Variants in RFC5 observed in about 807,000 individuals in gnomAD.
RFC5 encodes A1 36 kDa subunit.
In RFC5, 26 loss-of-function variants were observed where a neutral mutation model predicts 44.3. The observed-to-expected ratio is 0.59, with a 90% confidence interval of 0.43 to 0.81. The LOEUF is 0.81. Among genes scored for constraint, RFC5 ranks in the 40% least tolerant of loss-of-function variants. RFC5 has a pLI of 0.00. For missense variants in RFC5, 328 were observed against 418.6 expected, an observed-to-expected ratio of 0.78 and a Z score of 1.89; for synonymous variants, 155 against 155.2, an observed-to-expected ratio of 1.00 and a Z score of 0.01.
In RFC5 at chr12:118,018,129, C is replaced by A. The variant is rs938631983; in HGVS notation, c.66-943C>A. 33 of 645,292 alleles carry A rather than the reference C, an allele frequency of 5.1e-5. No homozygotes were observed. In the East Asian group the frequency reaches 8.2e-4, roughly 16 times the overall value. 40.0% of individuals were successfully genotyped at this position (645,292 alleles called of 1,614,324 possible). A position where few individuals can be genotyped will look rare whatever the true frequency, so the allele number is the denominator to read the frequency against. ...CAGGATCATGTTTTCAAGGTTCATGCATGTTGCTGCTTGTATCAGTAGTTA... is the reference window on the plus strand; with the variant it reads ...CAGGATCATGTTTTCAAGGTTCATGAATGTTGCTGCTTGTATCAGTAGTTA... On this transcript the variant is annotated intron_variant, in intron 1 of 10. Coordinates refer to ENST00000454402, the MANE Select transcript of RFC5 (RefSeq NM_007370.7).
downstream of RFC5, chr12:118,035,442 TGTGCCCCTC>T (rs2031489327): frequency 3.7e-6 from 3 of 808,884 alleles, no homozygotes; most frequent in Non-Finnish European, 6.0e-6. Context: ...AGATGCATTG[TGTGCCCCTC>T]GTGGAAAAGC....
At chr12:118,035,396 CAGGA>C, downstream of RFC5, 2 of 1,417,540 alleles carry the variant, frequency 1.4e-6, no homozygotes, top group Non-Finnish European at 2.0e-6. Flanking sequence ...TCACCCTAGG[CAGGA>C]AGCCAAACTG....
chr12:118,020,798 G>C, intron 3 of RFC5, 108 bp from the exon 4 acceptor site: 3 of 594,920 alleles, frequency 5.0e-6, no homozygotes, highest in Non-Finnish European at 9.0e-6. Flanking sequence ...ATTAGACATA[G>C]AGAGCTAGCC....
rs1411047282 is a variant in RFC5 at position 118,032,018 on chromosome 12, C to T, written c.*740C>T. Reference sequence around the variant, plus strand: ...ACCTAGAACTGCGGAAGGACTGGGACTTTTGTACAAATTTCACATTTATTT... The same window carrying T: ...ACCTAGAACTGCGGAAGGACTGGGATTTTTGTACAAATTTCACATTTATTT... On this transcript the variant is annotated 3_prime_UTR_variant, in exon 11 of 11. Coordinates refer to ENST00000454402, the MANE Select transcript of RFC5 (RefSeq NM_007370.7). 1 of 152,152 alleles carries T rather than the reference C, an allele frequency of 6.6e-6. No homozygotes were observed. The highest frequency in any genetic ancestry group is 1.5e-5 in the Non-Finnish European group (1 of 68,032). The allele number at this position is 152,152 out of a possible 1,614,324, so 9.4% of individuals were successfully genotyped here.
In RFC5 at chr12:118,032,175, A is replaced by G. The variant is rs552924924; in HGVS notation, c.*897A>G. 1.3e-5 allele frequency: 2 copies of G among 152,370 alleles called. No individual in the cohort carries two copies. Among genetic ancestry groups the G allele is most frequent in the African/African-American group, 2.4e-5 (1 of 41,590 alleles). 9.4% of individuals were successfully genotyped at this position (152,370 alleles called of 1,614,324 possible). A position where few individuals can be genotyped will look rare whatever the true frequency, so the allele number is the denominator to read the frequency against. On this transcript the variant is annotated 3_prime_UTR_variant, in exon 11 of 11. Transcript: ENST00000454402. The stretch of plus-strand genomic sequence containing the variant: ...TGCTGACTTTGTCAAACTTGCATTT[A>G]TATGAAAACCTTCTGTCTCTAATAT...
rs1205234527 is a variant in RFC5 at position 118,025,784 on chromosome 12, ACT to A, written c.622_623del (p.Leu208PhefsTer7). 6.2e-7 allele frequency: 1 copy of A among 1,607,422 alleles called. No individual in the cohort carries two copies. Among genetic ancestry groups the A allele is most frequent in the East Asian group, 2.2e-5 (1 of 44,746 alleles). The part of the protein sequence containing the change: ...ISEDGMKALV[T>X]LSSGDMRRAL... The stretch of plus-strand genomic sequence containing the variant: ...TGAAGATGGAATGAAAGCACTAGTC[ACT>A]CTTTCCAGTGGAGACATGCGTAGGG... On this transcript the variant is annotated frameshift_variant, in exon 7 of 11. Transcript: ENST00000454402. LOFTEE classifies it high-confidence loss of function.
At chr12:118,026,366 G>A (rs528926944) in intron 7 of RFC5, among the ~76,000 whole-genome samples, 15 of 152,154 alleles carry the variant, frequency 9.9e-5, no homozygotes, top group Non-Finnish European at 2.2e-4. Context: ...ACTTAGGGAT[G>A]CCGAGGGAGG....
chr12:118,021,918 C>T (rs2030524684), intron 4 of RFC5, among the ~76,000 whole-genome samples: 3 of 152,058 alleles, frequency 2.0e-5, no homozygotes, highest in African/African-American at 4.8e-5. Context: ...GATCGCGGCA[C>T]TGCACTCCAG....
chr12:118,022,798 G>A (rs5745828), intron 5 of RFC5, among the ~76,000 whole-genome samples: 24 of 152,302 alleles, frequency 1.6e-4, no homozygotes, highest in Admixed American at 1.6e-3. Flanking sequence ...GAATTAGGAT[G>A]TGAGATATGG....
chr12:118,034,568 C>A, downstream of RFC5: 1 of 479,320 alleles, frequency 2.1e-6, no homozygotes, highest in Non-Finnish European at 3.6e-6. Flanking sequence ...CCTGTGATAC[C>A]AAAGCGCTCT....
At chr12:118,026,275 C>T (rs560761271) in intron 7 of RFC5, among the ~76,000 whole-genome samples, 1 of 152,292 alleles carries the variant, frequency 6.6e-6, no homozygotes, top group East Asian at 1.9e-4. Context: ...CAGGATTCCC[C>T]CTCCTCACTT....
chr12:118,027,918 G>A (rs184939761), intron 8 of RFC5, 35 bp from the exon 9 acceptor site: 28 of 1,362,656 alleles, frequency 2.1e-5, no homozygotes, highest in Non-Finnish European at 2.8e-5. Context: ...TGTTTGTTCT[G>A]GAACTTGTTC....
In RFC5 at chr12:118,019,478, C is replaced by T. The variant is rs776346280; in HGVS notation, c.131-154C>T. Among the ~76,000 whole-genome samples the T allele has an allele frequency of 7.2e-5, 11 of 152,140 alleles. No individual in the cohort carries two copies. Among genetic ancestry groups the T allele is most frequent in the East Asian group, 1.9e-4 (1 of 5,188 alleles). Reference sequence around the variant, plus strand: ...TATTGAGTGAATTCCAGTTGTTCCACGAAAGTAGATATGAGGCCCCTACAT... The same window carrying T: ...TATTGAGTGAATTCCAGTTGTTCCATGAAAGTAGATATGAGGCCCCTACAT... On this transcript the variant is annotated intron_variant, in intron 2 of 10. Coordinates refer to ENST00000454402, the MANE Select transcript of RFC5 (RefSeq NM_007370.7). The surrounding 1 kb of genome is among the most constrained non-coding windows in gnomAD (Gnocchi z 4.2).
chr12:118,034,122 G>T, downstream of RFC5: 1 of 1,570,768 alleles, frequency 6.4e-7, no homozygotes, highest in Non-Finnish European at 8.7e-7. Context: ...CCAGATGTTT[G>T]GCCCATTATT....
chr12:118,025,708 CA>C, intron 6 of RFC5, 38 bp from the exon 7 acceptor site: 1 of 1,196,742 alleles, frequency 8.4e-7, no homozygotes, highest in Non-Finnish European at 1.2e-6. Flanking sequence ...CTGGTGCTCT[CA>C]GGGGGCCTCA....
At position 118,031,741 on chromosome 12, in the gene RFC5, G is replaced by C. The variant is rs1186327893; in HGVS notation, c.*463G>C. ...TATCTAATTTAAACAGATGTTAATG[G>C]ACGTCTGGCCGAAACTATTATACTT... On this transcript the variant is annotated 3_prime_UTR_variant, in exon 11 of 11. Coordinates refer to ENST00000454402, the MANE Select transcript of RFC5 (RefSeq NM_007370.7). 6.6e-6 allele frequency: 1 copy of C among 152,204 alleles called. No individual in the cohort carries two copies. Among genetic ancestry groups the C allele is most frequent in the Non-Finnish European group, 1.5e-5 (1 of 68,060 alleles). 9.4% of individuals were successfully genotyped at this position (152,204 alleles called of 1,614,324 possible).
intron 1 of RFC5, among the ~76,000 whole-genome samples, chr12:118,018,678 C>T (rs1036695413): frequency 1.3e-5 from 2 of 152,020 alleles, no homozygotes; most frequent in Non-Finnish European, 2.9e-5. Flanking sequence ...GGTGCAATCT[C>T]GGTTCACTGC....
At chr12:118,018,182 C>A in intron 1 of RFC5, 1 of 575,302 alleles carries the variant, frequency 1.7e-6, no homozygotes, top group Admixed American at 2.6e-5. Context: ...AATCATATTC[C>A]ATTGTATGGA....
At chr12:118,022,466 T>A in intron 5 of RFC5, 107 bp downstream of exon 5, 15 of 703,532 alleles carry the variant, frequency 2.1e-5, no homozygotes, top group South Asian at 3.4e-5. Flanking sequence ...CGGGGGGGAG[T>A]TTTTTTTTCT....
Sources: allele counts gnomAD v4.1 joint callset (sites outside exome capture counted in the v4.1 genomes callset), GRCh38; gene constraint gnomAD v4.1.1; non-coding constraint Gnocchi (gnomAD v3.1); transcripts MANE v1.5; gene names NCBI Gene and HGNC (gene_info 2026-07-23, HGNC 2026-07-21).